Variants in SLC15A5 observed in about 807,000 individuals in gnomAD.
SLC15A5 encodes the protein Peptide/histidine transporter ENSP00000340402.
SLC15A5 carries 58 observed loss-of-function variants against 56.1 expected under a neutral mutation model. The ratio of observed to expected loss-of-function variants is 1.03; its 90% CI spans 0.84 to 1.29. The LOEUF (loss-of-function observed/expected upper bound fraction) is 1.29, where lower values mean the gene tolerates loss of function less well. Among genes scored for constraint, SLC15A5 ranks in the 50% most tolerant of loss-of-function variants. SLC15A5 has a pLI of 0.00. For synonymous variants in SLC15A5, 264 were observed against 250.5 expected (o/e 1.05, Z -0.51); for missense variants, 681 against 672.1 (o/e 1.01, Z -0.15).
At chr12:16,249,702 A>G (rs2136796500) in intron 3 of SLC15A5, among the ~76,000 whole-genome samples, 1 of 152,224 alleles carries the variant, frequency 6.6e-6, no homozygotes, top group African/African-American at 2.4e-5. Context: ...AGATGAATGT[A>G]TATTCAAATA....
intron 2 of SLC15A5, among the ~76,000 whole-genome samples, chr12:16,266,008 G>T (rs765972170): frequency 6.6e-6 from 1 of 152,042 alleles, no homozygotes; most frequent in Non-Finnish European, 1.5e-5. Flanking sequence ...CAAACACAAC[G>T]TAAAAAAACT....
At chr12:16,273,976 G>A (rs1357393572) in intron 1 of SLC15A5, among the ~76,000 whole-genome samples, 1 of 149,570 alleles carries the variant, frequency 6.7e-6, no homozygotes, top group Non-Finnish European at 1.5e-5. Context: ...TTTTATAAAT[G>A]TATTTTACTT....
At chr12:16,190,376 G>A (rs1465604775) in intron 8 of SLC15A5, among the ~76,000 whole-genome samples, 4 of 152,116 alleles carry the variant, frequency 2.6e-5, no homozygotes, top group African/African-American at 4.8e-5. Flanking sequence ...CTTGCTTAAG[G>A]TTCATAGAAA....
At chr12:16,222,980 A>C (rs1864201971) in intron 6 of SLC15A5, among the ~76,000 whole-genome samples, 1 of 152,148 alleles carries the variant, frequency 6.6e-6, no homozygotes, top group Non-Finnish European at 1.5e-5. Flanking sequence ...AAATCTCATA[A>C]AGTAATTTAT....
At chr12:16,203,795 G>T (rs1190462488) in intron 7 of SLC15A5, among the ~76,000 whole-genome samples, 9 of 152,066 alleles carry the variant, frequency 5.9e-5, no homozygotes, top group Non-Finnish European at 1.2e-4. Flanking sequence ...TAATTTTGCT[G>T]AAAAAGTAAA....
rs888600047 is a variant in SLC15A5 at position 16,249,530 on chromosome 12, A to G, written c.755-4730T>C. 3.5e-4 allele frequency among the ~76,000 whole-genome samples: 53 copies of G among 152,176 alleles called. 1 individual carries two copies. The highest frequency in any genetic ancestry group is 1.1e-3 in the African/African-American group (47 of 41,546). On this transcript the variant is annotated intron_variant, in intron 3 of 8. Transcript: ENST00000344941. ...CCACTTGAGAGCATTTTCTATGCTA[A>G]TTGTTCCTGTAGCTAATAAAGTTTT...
chr12:16,255,037 G>T lies in SLC15A5; in HGVS notation c.754+2664C>A, dbSNP rs538545601. Among the ~76,000 whole-genome samples the T allele has an allele frequency of 2.6e-5, 4 of 152,180 alleles. No individual in the cohort carries two copies. The East Asian group carries it at 7.7e-4, about 29-fold the overall frequency. ...AAATGATGTTTGAAATGATGGATCTGCCAATTACCCTGATGTGATTACTAT... is the reference window on the plus strand; with the variant it reads ...AAATGATGTTTGAAATGATGGATCTTCCAATTACCCTGATGTGATTACTAT... On this transcript the variant is annotated intron_variant, in intron 3 of 8. Coordinates refer to ENST00000344941, the MANE Select transcript of SLC15A5 (RefSeq NM_001170798.1).
At chr12:16,198,402 C>G (rs1863917314) in intron 7 of SLC15A5, among the ~76,000 whole-genome samples, 1 of 152,054 alleles carries the variant, frequency 6.6e-6, no homozygotes, top group Admixed American at 6.6e-5. Flanking sequence ...TTATCACAGT[C>G]ATTTTAGAGA....
At chr12:16,244,314 G>T (rs752204606) in intron 4 of SLC15A5, among the ~76,000 whole-genome samples, 1 of 152,150 alleles carries the variant, frequency 6.6e-6, no homozygotes, top group Non-Finnish European at 1.5e-5. Flanking sequence ...TTACGACTAT[G>T]CATTCTGAAG....
At chr12:16,205,649 G>A (rs551806397) in intron 7 of SLC15A5, among the ~76,000 whole-genome samples, 36 of 136,270 alleles carry the variant, frequency 2.6e-4, no homozygotes, top group Admixed American at 3.8e-4. Context: ...ATATACACAT[G>A]TATATGCACC....
chr12:16,212,527 C>CAT (rs10656927), intron 7 of SLC15A5, among the ~76,000 whole-genome samples: 151,274 of 152,294 alleles, frequency 0.99, 75,139 homozygotes, highest in East Asian at 1. Context: ...TCCAGAAAAA[C>CAT]GTGAAAAGTC....
intron 3 of SLC15A5, among the ~76,000 whole-genome samples, chr12:16,248,575 C>G (rs1374744741): frequency 6.6e-6 from 1 of 152,126 alleles, no homozygotes; most frequent in Non-Finnish European, 1.5e-5. Context: ...AATAATCTGT[C>G]TACCCAAAGG....
At chr12:16,265,919 C>T (rs1434921399) in intron 2 of SLC15A5, among the ~76,000 whole-genome samples, 1 of 152,060 alleles carries the variant, frequency 6.6e-6, no homozygotes, top group South Asian at 2.1e-4. Flanking sequence ...TGAGACCTAG[C>T]ACAGTACTAG....
At chr12:16,264,201 G>T (rs1405813552) in intron 2 of SLC15A5, among the ~76,000 whole-genome samples, 1 of 152,228 alleles carries the variant, frequency 6.6e-6, no homozygotes, top group Non-Finnish European at 1.5e-5. Flanking sequence ...TGAAGGCCAT[G>T]GGAACCCACC....
intron 8 of SLC15A5, among the ~76,000 whole-genome samples, chr12:16,191,572 C>G (rs1863838573): frequency 6.6e-6 from 1 of 152,080 alleles, no homozygotes; most frequent in East Asian, 1.9e-4. Flanking sequence ...TTCAATAATG[C>G]TGTCCCTGGG....
chr12:16,263,525 G>A (rs576786076), intron 2 of SLC15A5, among the ~76,000 whole-genome samples: 2 of 152,256 alleles, frequency 1.3e-5, no homozygotes, highest in Admixed American at 1.3e-4. Flanking sequence ...ATTCAAGCCC[G>A]CTGCAGAAAT....
At position 16,196,838 on chromosome 12, in the gene SLC15A5, T is replaced by C. The variant is rs1863899051; in HGVS notation, c.1484-2385A>G. ...TAAGATCTTTAAAGGTAAAACATAA[T>C]ATTTTAAAGAAATTGTTTCATTATG... On this transcript the variant is annotated intron_variant, in intron 7 of 8. Coordinates refer to ENST00000344941, the MANE Select transcript of SLC15A5 (RefSeq NM_001170798.1). This position sits in a 1 kb window ranked among gnomAD's most constrained non-coding sequence, Gnocchi z 4.0. Among the ~76,000 whole-genome samples, 1 of 152,080 alleles carries C rather than the reference T, an allele frequency of 6.6e-6. No individual in the cohort carries two copies.
At chr12:16,275,088 A>G (rs530389136) in intron 1 of SLC15A5, among the ~76,000 whole-genome samples, 6 of 152,172 alleles carry the variant, frequency 3.9e-5, no homozygotes, top group African/African-American at 1.2e-4. Flanking sequence ...GAAGTCAGCC[A>G]TGCAGGTGGA....
intron 2 of SLC15A5, among the ~76,000 whole-genome samples, chr12:16,259,595 G>C (rs953565367): frequency 6.6e-6 from 1 of 152,304 alleles, no homozygotes; most frequent in East Asian, 1.9e-4. Context: ...ATACTTGCTA[G>C]GCAATGATAA....
Sources: allele counts gnomAD v4.1 joint callset (sites outside exome capture counted in the v4.1 genomes callset), GRCh38; gene constraint gnomAD v4.1.1; non-coding constraint Gnocchi (gnomAD v3.1); transcripts MANE v1.5; gene names NCBI Gene and HGNC (gene_info 2026-07-23, HGNC 2026-07-21).